The following LOC128462377 variants were observed in gnomAD, a reference collection of about 807,000 sequenced individuals.
At chr16:89,334,320 C>G in the LOC128462377 span, among the ~76,000 whole-genome samples, 1 of 151,974 alleles carries the variant, frequency 6.6e-6, no homozygotes, top group Non-Finnish European at 1.5e-5. Context: ...GCCAATACGG[C>G]CAAGTTTCTG....
At chr16:89,343,540 G>A in the LOC128462377 span, 1 of 152,348 alleles carries the variant, frequency 6.6e-6, no homozygotes, top group East Asian at 1.9e-4. Context: ...GTGGGCTGGA[G>A]GCATGTGAGG....
At chr16:89,340,534 C>T in the LOC128462377 span, among the ~76,000 whole-genome samples, 2 of 152,204 alleles carry the variant, frequency 1.3e-5, no homozygotes, top group Admixed American at 1.3e-4. Flanking sequence ...CTCGGCCTCC[C>T]AAAGTGCTGG....
chr16:89,403,745 C>G, the LOC128462377 span: 1 of 152,224 alleles, frequency 6.6e-6, no homozygotes, highest in South Asian at 2.1e-4. Context: ...ATCTGGGCAA[C>G]AGAGCAAGCC....
chr16:89,374,038 G>C, the LOC128462377 span, among the ~76,000 whole-genome samples: 1 of 152,242 alleles, frequency 6.6e-6, no homozygotes, highest in East Asian at 1.9e-4. Flanking sequence ...TGCAAAGCCA[G>C]AGTGGAGACA....
chr16:89,360,956 A>C, the LOC128462377 span, among the ~76,000 whole-genome samples: 1 of 152,130 alleles, frequency 6.6e-6, no homozygotes, highest in East Asian at 1.9e-4. Context: ...ACTGCTCTGC[A>C]TCAGGTGAGA....
the LOC128462377 span, chr16:89,360,462 G>A: frequency 6.6e-6 from 1 of 152,152 alleles, no homozygotes; most frequent in African/African-American, 2.4e-5. Flanking sequence ...GCAAAATTCT[G>A]AGAAACTATA....
the LOC128462377 span, among the ~76,000 whole-genome samples, chr16:89,346,734 G>A: frequency 6.6e-6 from 1 of 152,178 alleles, no homozygotes. Flanking sequence ...CAGGTAAAGT[G>A]GTTGTTAGAG....
chr16:89,375,413 C>T, the LOC128462377 span, among the ~76,000 whole-genome samples: 1 of 152,096 alleles, frequency 6.6e-6, no homozygotes, highest in Admixed American at 6.5e-5. Flanking sequence ...ATGGTCATGC[C>T]TGTGACAAGC....
the LOC128462377 span, among the ~76,000 whole-genome samples, chr16:89,380,063 T>C: frequency 2.0e-5 from 3 of 152,256 alleles, no homozygotes; most frequent in Middle Eastern, 0.01. Context: ...CCACCAGAAA[T>C]TCACTATGGA....
the LOC128462377 span, among the ~76,000 whole-genome samples, chr16:89,366,835 GAC>G: frequency 4.6e-5 from 7 of 152,210 alleles, no homozygotes; most frequent in Non-Finnish European, 1.0e-4. Flanking sequence ...GGGTCCAGAT[GAC>G]ACACACTTTG....
the LOC128462377 span, among the ~76,000 whole-genome samples, chr16:89,381,011 A>G: frequency 6.6e-6 from 1 of 152,196 alleles, no homozygotes; most frequent in Non-Finnish European, 1.5e-5. Context: ...CACACGGTAA[A>G]CAATCGATCC....
chr16:89,327,084 A>AAATGCAGAGGTGGGG, the LOC128462377 span, among the ~76,000 whole-genome samples: 7 of 150,486 alleles, frequency 4.7e-5, no homozygotes, highest in South Asian at 6.7e-4. Flanking sequence ...CAGAGGTTGG[A>AAATGCAGAGGTGGGG]AATGCAGAGG....
At chr16:89,361,330 G>A in the LOC128462377 span, among the ~76,000 whole-genome samples, 10 of 152,212 alleles carry the variant, frequency 6.6e-5, no homozygotes, top group Admixed American at 4.6e-4. Context: ...AGCGCCGGGG[G>A]CGGGGGGTGC....
the LOC128462377 span, among the ~76,000 whole-genome samples, chr16:89,381,354 A>AAAAAAG: frequency 2.0e-4 from 25 of 125,334 alleles, no homozygotes; most frequent in African/African-American, 8.2e-4. Flanking sequence ...AAAAAAAAAA[A>AAAAAAG]GGGGTGAGAA....
chr16:89,418,003 G>A, the LOC128462377 span, among the ~76,000 whole-genome samples: 1 of 152,178 alleles, frequency 6.6e-6, no homozygotes, highest in African/African-American at 2.4e-5. Context: ...GAGGACAAGA[G>A]GAAATAAACT....
chr16:89,359,698 A>G, the LOC128462377 span, among the ~76,000 whole-genome samples: 1 of 152,198 alleles, frequency 6.6e-6, no homozygotes. Flanking sequence ...GGAACTGGGT[A>G]ACTGTACAAG....
the LOC128462377 span, among the ~76,000 whole-genome samples, chr16:89,404,835 T>A: frequency 6.6e-6 from 1 of 152,228 alleles, no homozygotes; most frequent in Non-Finnish European, 1.5e-5. Context: ...TGACGCTGAA[T>A]GTACTACACA....
the LOC128462377 span, among the ~76,000 whole-genome samples, chr16:89,411,118 C>CA: frequency 0.023 from 3,517 of 152,362 alleles, 122 homozygotes; most frequent in African/African-American, 0.08. Flanking sequence ...GAAGGGTGGC[C>CA]AGGGCAGAAG....
the LOC128462377 span, chr16:89,361,345 G>C: frequency 6.5e-6 from 1 of 153,094 alleles, no homozygotes; most frequent in South Asian, 2.1e-4. Flanking sequence ...GGGTGCTGCA[G>C]GGACACATTC....
Sources: gnomAD v4.1 joint callset for allele counts (sites outside exome capture counted in the v4.1 genomes callset) on GRCh38, gnomAD v4.1.1 for gene constraint, MANE v1.5 for transcripts.